Variants in GAS2 observed in about 807,000 individuals in gnomAD.
GAS2 encodes growth arrest specific 2.
GAS2 carries 20 observed loss-of-function variants against 37.5 expected under a neutral mutation model. The observed-to-expected ratio is 0.53, with a 90% CI of 0.37 to 0.77. The LOEUF is 0.77. Ranked by LOEUF, GAS2 falls within the 30% of genes least tolerant of loss-of-function variation. The probability of loss-of-function intolerance (pLI) is 0.00; values close to 1 mark genes in which losing one functional copy is unlikely to be tolerated. For synonymous variants in GAS2, 144 were observed against 132.2 expected (o/e 1.09, Z -0.61); for missense variants, 336 against 373.4 (o/e 0.90, Z 0.82).
At chr11:22,637,532 T>C (rs28718386) in intron 1 of GAS2, among the ~76,000 whole-genome samples, 1 of 34,428 alleles carries the variant, frequency 2.9e-5, no homozygotes, top group African/African-American at 2.1e-4. Flanking sequence ...ATATTAATAG[T>C]ATACTTAATA....
chr11:22,714,167 A>G (rs537636278), intron 3 of GAS2, among the ~76,000 whole-genome samples: 1 of 152,266 alleles, frequency 6.6e-6, no homozygotes, highest in Admixed American at 6.5e-5. Flanking sequence ...ACTTAAGGTA[A>G]AAGAGTAGAA....
At chr11:22,652,664 G>T (rs1848796755) in intron 1 of GAS2, among the ~76,000 whole-genome samples, 1 of 152,204 alleles carries the variant, frequency 6.6e-6, no homozygotes, top group African/African-American at 2.4e-5. Context: ...GCAGTATTCG[G>T]GTGGGAGTGA....
intron 1 of GAS2, among the ~76,000 whole-genome samples, chr11:22,651,424 T>C (rs937739825): frequency 2.6e-5 from 4 of 152,288 alleles, no homozygotes; most frequent in African/African-American, 9.6e-5. Context: ...GAGGAGTATC[T>C]TTGTGGCGTT....
intron 1 of GAS2, among the ~76,000 whole-genome samples, chr11:22,641,740 G>T (rs1264092066): frequency 6.6e-6 from 1 of 152,004 alleles, no homozygotes; most frequent in African/African-American, 2.4e-5. Context: ...TGACACAGTT[G>T]CCTGAACTAT....
intron 7 of GAS2, among the ~76,000 whole-genome samples, chr11:22,784,349 TTGA>T: frequency 6.6e-6 from 1 of 152,240 alleles, no homozygotes; most frequent in East Asian, 1.9e-4. Context: ...AAGCTTTGGA[TTGA>T]TGATAGTAAG....
chr11:22,626,301 G>A (rs1382398365), intron 1 of GAS2: 1 of 174,990 alleles, frequency 5.7e-6, no homozygotes, highest in East Asian at 1.4e-4. Context: ...TTAATGCCAG[G>A]CGCTATGCTG....
chr11:22,626,469 CTTAA>C (rs1365908907), intron 1 of GAS2: 1 of 154,114 alleles, frequency 6.5e-6, no homozygotes, highest in South Asian at 2.0e-4. Context: ...GACAAAATAG[CTTAA>C]TTGACTCTTC....
intron 1 of GAS2, among the ~76,000 whole-genome samples, chr11:22,641,931 ATG>A (rs1848636015): frequency 6.6e-6 from 1 of 152,188 alleles, no homozygotes; most frequent in South Asian, 2.1e-4. Context: ...TGACAGAACA[ATG>A]TGAAGTGTTT....
chr11:22,681,899 C>T (rs1849699979), intron 2 of GAS2, among the ~76,000 whole-genome samples: 1 of 151,430 alleles, frequency 6.6e-6, no homozygotes, highest in Admixed American at 6.6e-5. Context: ...TATATCATCC[C>T]CATATAAAGA....
chr11:22,652,175 C>A (rs1206977224), intron 1 of GAS2, among the ~76,000 whole-genome samples: 2 of 152,132 alleles, frequency 1.3e-5, no homozygotes, highest in South Asian at 4.1e-4. Flanking sequence ...TTGGAGTACC[C>A]GGCCGTGTGA....
intron 1 of GAS2, among the ~76,000 whole-genome samples, chr11:22,655,338 C>T (rs993439509): frequency 3.3e-5 from 5 of 152,098 alleles, no homozygotes; most frequent in African/African-American, 9.7e-5. Context: ...TTGTTTCCTT[C>T]GCCAATAGAA....
chr11:22,638,485 A>G (rs1023667991), intron 1 of GAS2, among the ~76,000 whole-genome samples: 25 of 151,818 alleles, frequency 1.6e-4, no homozygotes, highest in Non-Finnish European at 2.9e-4. Context: ...AGCTAGGATT[A>G]CAGGCACTTG....
At chr11:22,767,030 G>C (rs1854731832) in intron 7 of GAS2, among the ~76,000 whole-genome samples, 1 of 152,128 alleles carries the variant, frequency 6.6e-6, no homozygotes, top group Non-Finnish European at 1.5e-5. Flanking sequence ...AAATTGTCAA[G>C]TAATTTTTAC....
chr11:22,797,135 C>T (rs1431755158), intron 7 of GAS2, among the ~76,000 whole-genome samples: 2 of 151,992 alleles, frequency 1.3e-5, no homozygotes, highest in African/African-American at 4.8e-5. Flanking sequence ...TGGTGCAGGG[C>T]TGGGAAAATG....
At chr11:22,664,178 G>C (rs1257657220), upstream of GAS2, among the ~76,000 whole-genome samples, 2 of 152,022 alleles carry the variant, frequency 1.3e-5, no homozygotes, top group Non-Finnish European at 2.9e-5. Context: ...CCCAGTGGCT[G>C]TTTCCGTGTT....
chr11:22,670,893 G>GTT (rs1565075384), intron 1 of GAS2, among the ~76,000 whole-genome samples: 1 of 151,542 alleles, frequency 6.6e-6, no homozygotes, highest in Non-Finnish European at 1.5e-5. Flanking sequence ...ATCATTTCAT[G>GTT]TTTTTTGTCT....
intron 2 of GAS2, among the ~76,000 whole-genome samples, chr11:22,682,587 T>A (rs543592936): frequency 2.6e-5 from 4 of 152,038 alleles, no homozygotes; most frequent in African/African-American, 7.2e-5. Context: ...AATTTTCTTA[T>A]TAGAAAATGT....
chr11:22,655,159 G>A (rs1848841057), intron 1 of GAS2, among the ~76,000 whole-genome samples: 1 of 152,046 alleles, frequency 6.6e-6, no homozygotes, highest in South Asian at 2.1e-4. Flanking sequence ...CAGGCCTCTG[G>A]GCTAGGGCTC....
At chr11:22,697,959 T>C (rs1416483151) in intron 3 of GAS2, among the ~76,000 whole-genome samples, 1 of 152,018 alleles carries the variant, frequency 6.6e-6, no homozygotes, top group East Asian at 1.9e-4. Flanking sequence ...GTAATTGCCC[T>C]GGCCAGAACT....
Sources: allele counts gnomAD v4.1 joint callset (sites outside exome capture counted in the v4.1 genomes callset), GRCh38; gene constraint gnomAD v4.1.1; transcripts MANE v1.5; gene names NCBI Gene and HGNC (gene_info 2026-07-23, HGNC 2026-07-21).